Variants in MAPKAP1 observed in about 807,000 individuals in gnomAD.
MAPKAP1 encodes the protein MAPK associated protein 1.
In MAPKAP1, 20 loss-of-function variants were observed where a neutral mutation model predicts 65.7. That is an observed-to-expected ratio of 0.30 (90% CI 0.21 to 0.44). The LOEUF (loss-of-function observed/expected upper bound fraction) is 0.44. Ranked by LOEUF, MAPKAP1 falls within the 20% of genes least tolerant of loss-of-function variation. The pLI is 1.00. For missense variants in MAPKAP1, 423 were observed against 648.0 expected, an observed-to-expected ratio of 0.65 and a Z score of 3.77; for synonymous variants, 222 against 244.3, an observed-to-expected ratio of 0.91 and a Z score of 0.85.
intron 1 of MAPKAP1, among the ~76,000 whole-genome samples, chr9:125,701,096 A>T (rs1465742259): frequency 6.6e-6 from 1 of 152,236 alleles, no homozygotes; most frequent in Non-Finnish European, 1.5e-5. Flanking sequence ...GTCTGCCAGT[A>T]ATCAGTTGTG....
chr9:125,630,385 G>A (rs1172305636), intron 4 of MAPKAP1, among the ~76,000 whole-genome samples: 1 of 151,978 alleles, frequency 6.6e-6, no homozygotes, highest in Non-Finnish European at 1.5e-5. Context: ...CCCAGTCTCA[G>A]CCGCCCAAAC....
chr9:125,590,062 A>G (rs1831908454), intron 4 of MAPKAP1, among the ~76,000 whole-genome samples: 2 of 152,202 alleles, frequency 1.3e-5, no homozygotes, highest in South Asian at 4.1e-4. Flanking sequence ...GACCCAGATC[A>G]GTTGCTTGTC....
chr9:125,654,207 C>T (rs186423844), intron 4 of MAPKAP1, among the ~76,000 whole-genome samples: 18 of 152,338 alleles, frequency 1.2e-4, no homozygotes, highest in Admixed American at 9.8e-4. Context: ...TCACAACCAA[C>T]AGTTCCCACA....
intron 6 of MAPKAP1, among the ~76,000 whole-genome samples, chr9:125,545,785 C>T (rs1287573576): frequency 6.6e-6 from 1 of 152,110 alleles, no homozygotes; most frequent in Non-Finnish European, 1.5e-5. Context: ...TGTCATTTTA[C>T]CAAAACGTAC....
At chr9:125,450,543 G>A (rs1411950131) in intron 10 of MAPKAP1, among the ~76,000 whole-genome samples, 1 of 152,116 alleles carries the variant, frequency 6.6e-6, no homozygotes, top group Non-Finnish European at 1.5e-5. Flanking sequence ...CAGTAGACGT[G>A]AGCTATGGGT....
intron 3 of MAPKAP1, 66 bp downstream of exon 3, chr9:125,669,750 TAA>T: frequency 2.6e-6 from 2 of 781,974 alleles, no homozygotes; most frequent in Non-Finnish European, 4.0e-6. Flanking sequence ...GAATTAAAAA[TAA>T]AAGTTCTTAT....
chr9:125,438,185 T>C lies in MAPKAP1; in HGVS notation c.*702A>G, dbSNP rs1025451637. ...CACCCCACACTGTCCACGCAGCTCCTGGGCTCTGAGGTCAGAAGCTGGGGT... is the reference window on the plus strand; with the variant it reads ...CACCCCACACTGTCCACGCAGCTCCCGGGCTCTGAGGTCAGAAGCTGGGGT... On this transcript the variant is annotated 3_prime_UTR_variant, in exon 12 of 12. Transcript: ENST00000265960. The C allele has an allele frequency of 2.5e-5, 10 of 394,124 alleles. No homozygotes were observed. Among genetic ancestry groups the C allele is most frequent in the African/African-American group, 1.2e-4 (6 of 48,540 alleles). The allele number at this position is 394,124 out of a possible 1,614,324, so 24.4% of individuals were successfully genotyped here. A position where few individuals can be genotyped will look rare whatever the true frequency, so the allele number is the denominator to read the frequency against.
At chr9:125,489,768 G>T (rs537896098) in intron 8 of MAPKAP1, among the ~76,000 whole-genome samples, 1 of 152,182 alleles carries the variant, frequency 6.6e-6, no homozygotes, top group Non-Finnish European at 1.5e-5. Context: ...TCTAGGGCCT[G>T]CAGCCAAGAA....
chr9:125,483,875 T>C (rs547416057), intron 9 of MAPKAP1, among the ~76,000 whole-genome samples: 1 of 152,298 alleles, frequency 6.6e-6, no homozygotes, highest in South Asian at 2.1e-4. Flanking sequence ...ATGATGATGA[T>C]GATGATGATG....
intron 5 of MAPKAP1, among the ~76,000 whole-genome samples, chr9:125,576,691 G>C (rs893223835): frequency 2.0e-5 from 3 of 152,096 alleles, no homozygotes; most frequent in African/African-American, 7.3e-5. Context: ...ACTGGTTTTT[G>C]TATTTTTTTG....
intron 1 of MAPKAP1, among the ~76,000 whole-genome samples, chr9:125,701,395 G>GA (rs1406543764): frequency 6.6e-6 from 1 of 152,074 alleles, no homozygotes; most frequent in Non-Finnish European, 1.5e-5. Flanking sequence ...ATCCAAAAAG[G>GA]AAAAAAGATC....
intron 11 of MAPKAP1, among the ~76,000 whole-genome samples, chr9:125,440,179 CAGT>C (rs1440888256): frequency 2.0e-5 from 3 of 152,204 alleles, no homozygotes; most frequent in Non-Finnish European, 4.4e-5. Context: ...AGTGTGAAAT[CAGT>C]GGTGGCAACT....
chr9:125,688,349 G>T (rs1456665800), intron 1 of MAPKAP1, among the ~76,000 whole-genome samples: 1 of 152,112 alleles, frequency 6.6e-6, no homozygotes, highest in East Asian at 1.9e-4. Context: ...TGTTGGCCAA[G>T]CTGGTCTTGA....
At chr9:125,526,940 A>AT (rs1331456309) in intron 7 of MAPKAP1, among the ~76,000 whole-genome samples, 13 of 151,030 alleles carry the variant, frequency 8.6e-5, no homozygotes, top group Non-Finnish European at 1.5e-4. Context: ...CGCCCAGCTA[A>AT]TTTTTTGTAT....
intron 6 of MAPKAP1, 38 bp downstream of exon 6, chr9:125,559,595 G>A (rs1564558031): frequency 1.9e-6 from 3 of 1,563,678 alleles, no homozygotes; most frequent in Non-Finnish European, 2.6e-6. Context: ...AGAAGGTTGG[G>A]ATGAGATACC....
At chr9:125,655,626 T>C (rs1834013973) in intron 4 of MAPKAP1, among the ~76,000 whole-genome samples, 1 of 152,206 alleles carries the variant, frequency 6.6e-6, no homozygotes, top group Non-Finnish European at 1.5e-5. Flanking sequence ...ACAATATCCT[T>C]CAAATATTAG....
At chr9:125,593,691 T>G (rs1228559526) in intron 4 of MAPKAP1, among the ~76,000 whole-genome samples, 1 of 151,982 alleles carries the variant, frequency 6.6e-6, no homozygotes, top group African/African-American at 2.4e-5. Context: ...GGTAATAAAT[T>G]CACAATCAGC....
At chr9:125,652,066 C>T (rs1833909191) in intron 4 of MAPKAP1, 5 of 1,215,068 alleles carry the variant, frequency 4.1e-6, no homozygotes, top group Middle Eastern at 2.4e-4. Context: ...AGATGAGGTG[C>T]CTTTTCCACT....
chr9:125,560,192 T>A (rs1274749690), intron 5 of MAPKAP1, among the ~76,000 whole-genome samples: 4 of 151,914 alleles, frequency 2.6e-5, no homozygotes, highest in South Asian at 2.1e-4. Context: ...ATGTAAAAAA[T>A]ATATATATAA....
Sources: gnomAD v4.1 joint callset for allele counts (sites outside exome capture counted in the v4.1 genomes callset) on GRCh38, gnomAD v4.1.1 for gene constraint, MANE v1.5 for transcripts, NCBI Gene and HGNC (gene_info 2026-07-23, HGNC 2026-07-21) for gene names.